Variants in KRABD3 observed in about 807,000 individuals in gnomAD.
KRABD3 encodes KRAB domain containing 3, also known as KRAB domain-containing protein 3.
the KRABD3 span, chr7:149,719,787 A>G: frequency 7.7e-7 from 1 of 1,306,970 alleles, no homozygotes; most frequent in East Asian, 2.5e-5. The surrounding 1 kb of genome is among the most constrained non-coding windows in gnomAD (Gnocchi z 5.6). Context: ...GAACACGGGG[A>G]TCGTTCACGC....
chr7:149,723,528 C>G, the KRABD3 span: 1 of 559,050 alleles, frequency 1.8e-6, no homozygotes, highest in Non-Finnish European at 3.2e-6. Context: ...TGTCTGCCTG[C>G]AGGGCGAATT....
the KRABD3 span, chr7:149,719,877 C>A: frequency 7.9e-7 from 1 of 1,267,108 alleles, no homozygotes; most frequent in Admixed American, 2.9e-5. This position sits in a 1 kb window ranked among gnomAD's most constrained non-coding sequence, Gnocchi z 5.6. Context: ...GTTCCGACCA[C>A]TCTGCGGTTC....
chr7:149,733,258 G>A, the KRABD3 span: 1 of 1,612,156 alleles, frequency 6.2e-7, no homozygotes. Context: ...TGCCCAGTGA[G>A]TCTCCCCCTC....
At chr7:149,734,090 G>T in the KRABD3 span, 1 of 1,550,434 alleles carries the variant, frequency 6.4e-7, no homozygotes. Flanking sequence ...TGCCGAGGGT[G>T]CAGTGGTGGC....
At chr7:149,725,495 T>C in the KRABD3 span, 2 of 1,597,610 alleles carry the variant, frequency 1.3e-6, no homozygotes, top group East Asian at 4.5e-5. Context: ...GAAGGTAGAT[T>C]GTGGCCATGG....
At chr7:149,725,775 C>G in the KRABD3 span, 1 of 1,056,592 alleles carries the variant, frequency 9.5e-7, no homozygotes, top group Non-Finnish European at 1.3e-6. Context: ...ACAGGGAAAC[C>G]CTAGTGGGAG....
At chr7:149,729,087 C>T in the KRABD3 span, 2 of 954,810 alleles carry the variant, frequency 2.1e-6, no homozygotes, top group Non-Finnish European at 2.9e-6. Context: ...GCTGGTGTGC[C>T]TGAGAGCCCA....
chr7:149,722,952 G>A, the KRABD3 span: 2 of 1,589,816 alleles, frequency 1.3e-6, no homozygotes, highest in Admixed American at 3.8e-5. Flanking sequence ...GCCCGCCCTG[G>A]GCAGGTGAGT....
chr7:149,721,341 G>T, the KRABD3 span: 2 of 1,548,738 alleles, frequency 1.3e-6, no homozygotes. Context: ...AATGTTAGGG[G>T]CATCTTACCA....
the KRABD3 span, chr7:149,720,980 G>A: frequency 2.5e-6 from 4 of 1,613,522 alleles, no homozygotes; most frequent in South Asian, 1.1e-5. Context: ...GAGAGAGAGC[G>A]AGCCCCGAGG....
At chr7:149,719,539 C>T in the KRABD3 span, 4 of 1,566,898 alleles carry the variant, frequency 2.6e-6, no homozygotes, top group Non-Finnish European at 2.6e-6. This position sits in a 1 kb window ranked among gnomAD's most constrained non-coding sequence, Gnocchi z 5.6. Context: ...GGAGACTGTG[C>T]CTGCAGGTGT....
chr7:149,721,434 A>G, the KRABD3 span: 1 of 1,612,240 alleles, frequency 6.2e-7, no homozygotes, highest in Non-Finnish European at 8.5e-7. Flanking sequence ...TGCCTTCCAG[A>G]CGGCCCTACC....
At chr7:149,723,956 T>A in the KRABD3 span, 1 of 1,538,936 alleles carries the variant, frequency 6.5e-7, no homozygotes, top group Non-Finnish European at 8.8e-7. Flanking sequence ...CAGGCAGGGC[T>A]GTAGGTGGCC....
the KRABD3 span, chr7:149,725,165 A>G: frequency 6.4e-6 from 5 of 785,126 alleles, no homozygotes; most frequent in Non-Finnish European, 9.7e-6. Context: ...TCAGTCTCCC[A>G]CAGAAGGGTT....
At chr7:149,722,424 A>G in the KRABD3 span, 1 of 1,605,038 alleles carries the variant, frequency 6.2e-7, no homozygotes, top group Middle Eastern at 1.7e-4. Flanking sequence ...TGCAACAGAA[A>G]CTGCCGACAA....
chr7:149,715,222 G>T, the KRABD3 span: 1 of 1,216,714 alleles, frequency 8.2e-7, no homozygotes, highest in Non-Finnish European at 1.0e-6. Context: ...TCAGGTCCTC[G>T]GACAACCTCT....
chr7:149,716,558 C>T, the KRABD3 span, among the ~76,000 whole-genome samples: 1 of 152,250 alleles, frequency 6.6e-6, no homozygotes, highest in Non-Finnish European at 1.5e-5. Context: ...AGGGAGGCCA[C>T]TGGCAGAAGC....
At chr7:149,733,730 C>G in the KRABD3 span, 3 of 1,582,362 alleles carry the variant, frequency 1.9e-6, no homozygotes, top group Non-Finnish European at 2.6e-6. Flanking sequence ...ACCTCCTGGG[C>G]TCCACTGCAG....
At chr7:149,715,228 C>T in the KRABD3 span, 1 of 1,217,040 alleles carries the variant, frequency 8.2e-7, no homozygotes, top group Non-Finnish European at 1.0e-6. Context: ...CCTCGGACAA[C>T]CTCTCTCCAG....
Sources: allele counts gnomAD v4.1 joint callset (sites outside exome capture counted in the v4.1 genomes callset), GRCh38; gene constraint gnomAD v4.1.1; non-coding constraint Gnocchi (gnomAD v3.1); transcripts MANE v1.5; gene names NCBI Gene and HGNC (gene_info 2026-07-23, HGNC 2026-07-21).